The following GRIA1 variants were observed in gnomAD, a reference collection of about 807,000 sequenced individuals.
GRIA1 encodes the protein glutamate ionotropic receptor AMPA type subunit 1, also known as glutamate receptor 1.
In GRIA1, 31 loss-of-function variants were observed where a neutral mutation model predicts 99.2. That is an observed-to-expected ratio of 0.31 (90% CI 0.23 to 0.42). The LOEUF (loss-of-function observed/expected upper bound fraction) is 0.42, where lower values mean the gene tolerates loss of function less well. Among genes scored for constraint, GRIA1 ranks in the 10% least tolerant of loss-of-function variants. The pLI is 1.00. For missense variants in GRIA1, 782 were observed against 1,157.5 expected, an observed-to-expected ratio of 0.68 and a Z score of 4.71; for synonymous variants, 438 against 432.4, an observed-to-expected ratio of 1.01 and a Z score of -0.16.
intron 11 of GRIA1, among the ~76,000 whole-genome samples, chr5:153,747,779 G>T (rs947025879): frequency 6.6e-6 from 1 of 152,184 alleles, no homozygotes; most frequent in Non-Finnish European, 1.5e-5. Context: ...TTTCCCAGTG[G>T]GGTGTAGCCT....
At chr5:153,653,999 C>T (rs565154075) in intron 4 of GRIA1, among the ~76,000 whole-genome samples, 3 of 152,188 alleles carry the variant, frequency 2.0e-5, no homozygotes, top group South Asian at 4.2e-4. Flanking sequence ...AGGTGATGGA[C>T]CCCTTGTGAA....
At chr5:153,641,542 C>T (rs1198298213) in intron 2 of GRIA1, among the ~76,000 whole-genome samples, 8 of 152,178 alleles carry the variant, frequency 5.3e-5, no homozygotes, top group African/African-American at 2.4e-5. Context: ...TTTTTACTTA[C>T]TCTGATTGTT....
intron 2 of GRIA1, among the ~76,000 whole-genome samples, chr5:153,597,392 G>A (rs1485951944): frequency 6.6e-6 from 1 of 152,124 alleles, no homozygotes; most frequent in African/African-American, 2.4e-5. Context: ...CCAATTAGGG[G>A]ATCACCAAAT....
At chr5:153,784,561 GT>G (rs1478752057) in intron 13 of GRIA1, among the ~76,000 whole-genome samples, 3 of 152,036 alleles carry the variant, frequency 2.0e-5, no homozygotes, top group African/African-American at 7.3e-5. Context: ...ATCTGGAATG[GT>G]CAGGTGTGAA....
intron 10 of GRIA1, among the ~76,000 whole-genome samples, chr5:153,702,989 C>T (rs939237501): frequency 6.6e-6 from 1 of 152,172 alleles, no homozygotes; most frequent in Non-Finnish European, 1.5e-5. Flanking sequence ...AGAAGAGCAG[C>T]CCGGTCTGAG....
At chr5:153,492,386 C>T (rs1465627807) in intron 1 of GRIA1, 2 of 1,336,434 alleles carry the variant, frequency 1.5e-6, no homozygotes. Context: ...GTAGCCCAGC[C>T]CGTAGCCTTC....
rs551111631 is a variant in GRIA1 at position 153,712,842 on chromosome 5, C to T, written c.1823+6775C>T. Reference sequence around the variant, plus strand: ...GCTGGGACCCTCTGCGTCAGAATTACCTGGGATGTTTGTCCAAATGCAGGT... The same window carrying T: ...GCTGGGACCCTCTGCGTCAGAATTATCTGGGATGTTTGTCCAAATGCAGGT... On this transcript the variant is annotated intron_variant, in intron 11 of 15. Coordinates refer to ENST00000285900, the MANE Select transcript of GRIA1 (RefSeq NM_000827.4). Among the ~76,000 whole-genome samples the T allele has an allele frequency of 5.9e-5, 9 of 152,244 alleles. No homozygotes were observed. The South Asian group carries it at 1.9e-3, about 32-fold the overall frequency.
At chr5:153,745,664 A>AAAG (rs1481553769) in intron 11 of GRIA1, among the ~76,000 whole-genome samples, 1 of 151,906 alleles carries the variant, frequency 6.6e-6, no homozygotes, top group Non-Finnish European at 1.5e-5. Context: ...TTAAGAAATC[A>AAAG]AAGTAAAAAG....
At chr5:153,761,089 G>C (rs1294875886) in intron 11 of GRIA1, among the ~76,000 whole-genome samples, 2 of 151,932 alleles carry the variant, frequency 1.3e-5, no homozygotes, top group Non-Finnish European at 2.9e-5. Flanking sequence ...TAAAAACAGG[G>C]GAAACGTTTC....
At chr5:153,638,657 G>T (rs1454693480) in intron 2 of GRIA1, among the ~76,000 whole-genome samples, 2 of 152,220 alleles carry the variant, frequency 1.3e-5, no homozygotes, top group Non-Finnish European at 2.9e-5. Flanking sequence ...TTCTAGAGCT[G>T]CTGCAATTTC....
intron 8 of GRIA1, among the ~76,000 whole-genome samples, chr5:153,695,716 C>T (rs897409270): frequency 2.6e-5 from 4 of 152,210 alleles, no homozygotes; most frequent in African/African-American, 9.6e-5. Flanking sequence ...ATGTCTCCTT[C>T]CACCTTGACT....
At chr5:153,634,842 G>C (rs1409004254) in intron 2 of GRIA1, among the ~76,000 whole-genome samples, 2 of 152,202 alleles carry the variant, frequency 1.3e-5, no homozygotes, top group Non-Finnish European at 2.9e-5. Flanking sequence ...AATCAGTTGA[G>C]GGCAGGGGTC....
intron 2 of GRIA1, among the ~76,000 whole-genome samples, chr5:153,563,086 G>T (rs1761287092): frequency 6.6e-6 from 1 of 150,604 alleles, no homozygotes; most frequent in South Asian, 2.1e-4. Context: ...TGAGGCAGAA[G>T]AATCACTTGA....
At chr5:153,700,120 C>A (rs977644944) in intron 10 of GRIA1, among the ~76,000 whole-genome samples, 1 of 152,200 alleles carries the variant, frequency 6.6e-6, no homozygotes, top group Non-Finnish European at 1.5e-5. Flanking sequence ...CACAGTGGCT[C>A]ACGCCTATAA....
At chr5:153,600,013 G>A (rs767666871) in intron 2 of GRIA1, among the ~76,000 whole-genome samples, 12 of 152,128 alleles carry the variant, frequency 7.9e-5, no homozygotes, top group Non-Finnish European at 1.2e-4. Context: ...AGGTGGACAC[G>A]GAGGCACTGC....
intron 2 of GRIA1, among the ~76,000 whole-genome samples, chr5:153,505,363 A>T (rs914473018): frequency 1.3e-5 from 2 of 151,912 alleles, no homozygotes; most frequent in African/African-American, 4.8e-5. Flanking sequence ...GGAAAAAAAT[A>T]TAACTTCCTG....
chr5:153,699,272 A>G (rs1437767471), intron 10 of GRIA1, among the ~76,000 whole-genome samples, 199 bp downstream of exon 10: 2 of 152,160 alleles, frequency 1.3e-5, no homozygotes, highest in Non-Finnish European at 2.9e-5. Flanking sequence ...AGGTCCCTCA[A>G]TCCCACTCAG....
At chr5:153,666,749 T>A (rs1755772999) in intron 5 of GRIA1, among the ~76,000 whole-genome samples, 1 of 152,152 alleles carries the variant, frequency 6.6e-6, no homozygotes, top group South Asian at 2.1e-4. Flanking sequence ...ATAACACAAA[T>A]AAAGTACTTA....
At chr5:153,806,884 G>T (rs1766466453) in intron 15 of GRIA1, among the ~76,000 whole-genome samples, 1 of 152,152 alleles carries the variant, frequency 6.6e-6, no homozygotes, top group African/African-American at 2.4e-5. Context: ...GGTCACACAA[G>T]CTAGAAACTA....
Sources: gnomAD v4.1 joint callset for allele counts (sites outside exome capture counted in the v4.1 genomes callset) on GRCh38, gnomAD v4.1.1 for gene constraint, MANE v1.5 for transcripts, NCBI Gene and HGNC (gene_info 2026-07-23, HGNC 2026-07-21) for gene names.